ARHGAP15: variants seen among roughly 807,000 people sequenced by gnomAD.
ARHGAP15 encodes the protein Rho GTPase activating protein 15, also known as rho GTPase-activating protein 15.
A neutral mutation model predicts 63.7 loss-of-function variants in ARHGAP15; 51 were observed. That is an observed-to-expected ratio of 0.80 (90% CI 0.64 to 1.01). The LOEUF is 1.01. Among genes scored for constraint, ARHGAP15 ranks in the 50% least tolerant of loss-of-function variants. ARHGAP15 has a pLI of 0.00. For synonymous variants in ARHGAP15, 191 were observed against 193.8 expected (o/e 0.99, Z 0.12); for missense variants, 560 against 564.6 (o/e 0.99, Z 0.08).
At chr2:143,376,662 G>A (rs1574356351) in intron 6 of ARHGAP15, among the ~76,000 whole-genome samples, 1 of 151,714 alleles carries the variant, frequency 6.6e-6, no homozygotes, top group Non-Finnish European at 1.5e-5. Flanking sequence ...TAAAGGGTAT[G>A]CCATATAAAA....
At chr2:143,321,168 G>T (rs185258352) in intron 6 of ARHGAP15, among the ~76,000 whole-genome samples, 148 of 152,294 alleles carry the variant, frequency 9.7e-4, no homozygotes, top group African/African-American at 3.4e-3. Context: ...TCGTGTGAAT[G>T]TGGAAAAGAG....
intron 6 of ARHGAP15, among the ~76,000 whole-genome samples, chr2:143,424,404 G>A (rs1689060623): frequency 6.6e-6 from 1 of 151,980 alleles, no homozygotes; most frequent in South Asian, 2.1e-4. Flanking sequence ...ATGAGAAATG[G>A]TAATATAATT....
chr2:143,325,723 A>C (rs924228361), intron 6 of ARHGAP15, among the ~76,000 whole-genome samples: 1 of 152,028 alleles, frequency 6.6e-6, no homozygotes, highest in Non-Finnish European at 1.5e-5. Flanking sequence ...AGAAAAAATC[A>C]CTCTAAGCCT....
rs1690974850 is a variant in ARHGAP15, at chr2:143,175,406, G to A, written c.165+19751G>A. 2.0e-5 allele frequency among the ~76,000 whole-genome samples: 3 copies of A among 152,276 alleles called. No individual in the cohort carries two copies. In the Middle Eastern group the frequency reaches 0.01, roughly 518 times the overall value. Reference sequence around the variant, plus strand: ...GCGTAAGTAACTGGCAAATATTCAGGGTGGAAAGATTGGAAGGGAGAAAAG... The same window carrying A: ...GCGTAAGTAACTGGCAAATATTCAGAGTGGAAAGATTGGAAGGGAGAAAAG... On this transcript the variant is annotated intron_variant, in intron 2 of 13. Coordinates refer to ENST00000295095, the MANE Select transcript of ARHGAP15 (RefSeq NM_018460.4).
At chr2:143,353,341 T>G (rs1685660209) in intron 6 of ARHGAP15, among the ~76,000 whole-genome samples, 1 of 152,148 alleles carries the variant, frequency 6.6e-6, no homozygotes. Context: ...ACAACCAAGA[T>G]TAGTCCAGCC....
intron 6 of ARHGAP15, among the ~76,000 whole-genome samples, chr2:143,285,808 C>T (rs1316114977): frequency 1.3e-5 from 2 of 152,124 alleles, no homozygotes; most frequent in African/African-American, 4.8e-5. Flanking sequence ...ATATTGGTAT[C>T]ATTCTTGCCA....
chr2:143,256,650 A>G (rs566014139), intron 6 of ARHGAP15, among the ~76,000 whole-genome samples: 1 of 152,240 alleles, frequency 6.6e-6, no homozygotes, highest in East Asian at 1.9e-4. Flanking sequence ...AGGTATCAGT[A>G]CAATACTGTT....
chr2:143,675,381 A>C (rs1374067106), intron 12 of ARHGAP15, among the ~76,000 whole-genome samples: 1 of 152,158 alleles, frequency 6.6e-6, no homozygotes, highest in African/African-American at 2.4e-5. Context: ...CTGCCTATGA[A>C]TCATGAATGT....
chr2:143,320,156 G>A (rs1227257604), intron 6 of ARHGAP15, among the ~76,000 whole-genome samples: 1 of 152,026 alleles, frequency 6.6e-6, no homozygotes, highest in African/African-American at 2.4e-5. Flanking sequence ...TAAAACTATG[G>A]GGAACTTGCT....
intron 5 of ARHGAP15, among the ~76,000 whole-genome samples, chr2:143,235,323 G>A (rs540150602): frequency 1.1e-4 from 17 of 150,666 alleles, no homozygotes; most frequent in African/African-American, 2.9e-4. Flanking sequence ...TTGTAGGACC[G>A]TTATAATTTG....
At chr2:143,535,515 A>G (rs1034891017) in intron 10 of ARHGAP15, among the ~76,000 whole-genome samples, 1 of 152,244 alleles carries the variant, frequency 6.6e-6, no homozygotes, top group Non-Finnish European at 1.5e-5. Flanking sequence ...TGTGAAAGAA[A>G]TATTTTAAGA....
intron 11 of ARHGAP15, among the ~76,000 whole-genome samples, chr2:143,588,213 A>C (rs1250197550): frequency 1.3e-5 from 2 of 152,094 alleles, no homozygotes; most frequent in Admixed American, 1.3e-4. Context: ...CCTTTACTAC[A>C]TTCTGGAGAA....
At chr2:143,575,714 A>G (rs1217287519) in intron 11 of ARHGAP15, among the ~76,000 whole-genome samples, 2 of 152,186 alleles carry the variant, frequency 1.3e-5, no homozygotes, top group African/African-American at 2.4e-5. Flanking sequence ...AGAATAGGAA[A>G]TTTAAAATAC....
At chr2:143,767,206 T>C (rs1046735724) in intron 13 of ARHGAP15, among the ~76,000 whole-genome samples, 1 of 152,196 alleles carries the variant, frequency 6.6e-6, no homozygotes, top group Non-Finnish European at 1.5e-5. Flanking sequence ...GCATTACTTT[T>C]TTAATTATCA....
chr2:143,627,437 G>A (rs1698877379), intron 12 of ARHGAP15, among the ~76,000 whole-genome samples: 1 of 152,046 alleles, frequency 6.6e-6, no homozygotes, highest in South Asian at 2.1e-4. Context: ...ATATTCTTAA[G>A]CAATGAGAGA....
At chr2:143,567,895 T>C (rs2105112419) in intron 11 of ARHGAP15, among the ~76,000 whole-genome samples, 1 of 152,104 alleles carries the variant, frequency 6.6e-6, no homozygotes, top group South Asian at 2.1e-4. Flanking sequence ...CAAAATAGAA[T>C]AATCAGGAAA....
Position 143,643,305 on chromosome 2 carries a change from C to T in ARHGAP15, c.1138+19038C>T, listed in dbSNP as rs140575832. 1.9e-3 allele frequency among the ~76,000 whole-genome samples: 286 copies of T among 152,142 alleles called. 2 individuals are homozygous for T. Among genetic ancestry groups the T allele is most frequent in the Non-Finnish European group, 3.3e-3 (222 of 67,976 alleles). On this transcript the variant is annotated intron_variant, in intron 12 of 13. Transcript: ENST00000295095. The stretch of plus-strand genomic sequence containing the variant: ...TGACCTGAGTCCTCTGGGACCCATG[C>T]ATGGATATGCCTCAAGAGGCTCATG...
intron 2 of ARHGAP15, among the ~76,000 whole-genome samples, chr2:143,159,576 T>C (rs1330195736): frequency 6.6e-6 from 1 of 151,964 alleles, no homozygotes; most frequent in Non-Finnish European, 1.5e-5. Flanking sequence ...CGTATTGGTT[T>C]TGTGCAAAAA....
chr2:143,332,821 G>C (rs1285008037), intron 6 of ARHGAP15, among the ~76,000 whole-genome samples: 1 of 151,854 alleles, frequency 6.6e-6, no homozygotes, highest in African/African-American at 2.4e-5. Flanking sequence ...CAAACTTCAG[G>C]CAATGATAAG....
Sources: allele counts gnomAD v4.1 joint callset (sites outside exome capture counted in the v4.1 genomes callset), GRCh38; gene constraint gnomAD v4.1.1; transcripts MANE v1.5; gene names NCBI Gene and HGNC (gene_info 2026-07-23, HGNC 2026-07-21).